The following MANBAL variants were observed in gnomAD, a reference collection of about 807,000 sequenced individuals.
MANBAL encodes the protein mannosidase beta like.
A neutral mutation model predicts 6.4 loss-of-function variants in MANBAL; 1 was observed. The observed-to-expected ratio is 0.16, with a 90% CI of 0.06 to 0.74. The LOEUF is 0.74. Among genes scored for constraint, MANBAL ranks in the 30% least tolerant of loss-of-function variants. The pLI, the probability that MANBAL is intolerant of heterozygous loss-of-function variation, is 0.78. For missense variants in MANBAL, 100 were observed against 107.8 expected (o/e 0.93, Z 0.32); for synonymous variants, 47 against 45.8 (o/e 1.03, Z -0.10).
intron 2 of MANBAL, among the ~76,000 whole-genome samples, chr20:37,304,703 A>G (rs1024723432): frequency 2.0e-5 from 3 of 152,152 alleles, no homozygotes; most frequent in Admixed American, 1.3e-4. Context: ...TGTGGAACCT[A>G]TTGATGCAGT....
chr20:37,297,937 G>T (rs549494207), intron 1 of MANBAL, among the ~76,000 whole-genome samples: 6 of 152,124 alleles, frequency 3.9e-5, no homozygotes, highest in Non-Finnish European at 7.3e-5. Context: ...GAGCCACTGC[G>T]CCCTGTGAGG....
intron 1 of MANBAL, among the ~76,000 whole-genome samples, chr20:37,296,602 T>G (rs1474573088): frequency 6.6e-6 from 1 of 152,222 alleles, no homozygotes; most frequent in East Asian, 1.9e-4. Context: ...ACGCCTGGGT[T>G]GCTTCCTGTT....
At chr20:37,313,969 G>C (rs1386037217) in intron 2 of MANBAL, among the ~76,000 whole-genome samples, 1 of 152,154 alleles carries the variant, frequency 6.6e-6, no homozygotes, top group Non-Finnish European at 1.5e-5. Context: ...CTGGAGAGGT[G>C]GCCTTTCTTA....
At chr20:37,303,773 G>A (rs1324710226) in intron 2 of MANBAL, among the ~76,000 whole-genome samples, 1 of 152,208 alleles carries the variant, frequency 6.6e-6, no homozygotes, top group Non-Finnish European at 1.5e-5. Context: ...ATCTAGCAGG[G>A]AAGTGAGTTA....
At chr20:37,291,379 T>G (rs1287691811) in intron 1 of MANBAL, among the ~76,000 whole-genome samples, 1 of 152,222 alleles carries the variant, frequency 6.6e-6, no homozygotes, top group Non-Finnish European at 1.5e-5. Flanking sequence ...ATGTCCTTTT[T>G]CTGTCCTGGT....
At chr20:37,309,104 A>G (rs1390854458) in intron 2 of MANBAL, among the ~76,000 whole-genome samples, 1 of 152,126 alleles carries the variant, frequency 6.6e-6, no homozygotes, top group African/African-American at 2.4e-5. Context: ...TGGGAATTTC[A>G]AAGGACAGCT....
chr20:37,315,471 C>A (rs188534425), intron 2 of MANBAL, among the ~76,000 whole-genome samples: 1 of 152,308 alleles, frequency 6.6e-6, no homozygotes, highest in African/African-American at 2.4e-5. Context: ...AAGCTGTGTC[C>A]CTTCCCTGGA....
At chr20:37,305,865 A>G (rs916704954) in intron 2 of MANBAL, among the ~76,000 whole-genome samples, 1 of 152,120 alleles carries the variant, frequency 6.6e-6, no homozygotes, top group African/African-American at 2.4e-5. Context: ...AACTAGATAG[A>G]AAGGAAACAC....
In MANBAL at chr20:37,304,735, A is replaced by C. The variant is rs142328559; in HGVS notation, c.150+3322A>C. 2.1e-3 allele frequency among the ~76,000 whole-genome samples: 314 copies of C among 152,292 alleles called. 1 individual carries two copies. Among genetic ancestry groups the C allele is most frequent in the Non-Finnish European group, 3.2e-3 (216 of 68,026 alleles). ...CAGTGGAGAACTATGGTGAAGGAAC[A>C]GGCTTAGGGTGGGTGCAGGGAAGGA... On this transcript the variant is annotated intron_variant, in intron 2 of 2. Transcript: ENST00000373606.
intron 2 of MANBAL, among the ~76,000 whole-genome samples, chr20:37,314,895 A>G (rs1238104404): frequency 6.6e-6 from 1 of 152,208 alleles, no homozygotes; most frequent in African/African-American, 2.4e-5. Context: ...CCACGGGCCA[A>G]TGGGGCAAGC....
chr20:37,302,305 A>G, intron 2 of MANBAL: 1 of 1,550,582 alleles, frequency 6.4e-7, no homozygotes, highest in Non-Finnish European at 8.7e-7. Flanking sequence ...GCCTGATTCC[A>G]TTCCAGTCAG....
Position 37,290,019 on chromosome 20 carries a change from C to T in MANBAL, c.-57+333C>T, listed in dbSNP as rs190882450. On this transcript the variant is annotated intron_variant, in intron 1 of 2. Coordinates refer to ENST00000373606, the MANE Select transcript of MANBAL (RefSeq NM_001003897.2). The stretch of plus-strand genomic sequence containing the variant: ...GAGAACCCTGAGCTCCAGAGTGAAT[C>T]TGGCCAGGGTTCGAATCCGTATGGC... Among the ~76,000 whole-genome samples the T allele has an allele frequency of 4.8e-3, 725 of 152,312 alleles. 2 individuals carry two copies. Among genetic ancestry groups the T allele is most frequent in the Non-Finnish European group, 7.3e-3 (498 of 68,036 alleles).
intron 1 of MANBAL, among the ~76,000 whole-genome samples, chr20:37,293,466 G>T (rs113279528): frequency 5.3e-4 from 80 of 152,252 alleles, no homozygotes; most frequent in African/African-American, 1.9e-3. Flanking sequence ...GAACTCAGAC[G>T]GTAATGTGAG....
At chr20:37,290,642 A>G (rs1258561202) in intron 1 of MANBAL, among the ~76,000 whole-genome samples, 1 of 152,100 alleles carries the variant, frequency 6.6e-6, no homozygotes. Flanking sequence ...TATCTTTAGT[A>G]AAGACAGGGT....
At chr20:37,301,557 G>A in intron 2 of MANBAL, 144 bp downstream of exon 2, 7 of 875,944 alleles carry the variant, frequency 8.0e-6, no homozygotes, top group East Asian at 2.7e-5. Flanking sequence ...CCACCTGGTG[G>A]GTTGAACCAC....
intron 2 of MANBAL, 50 bp downstream of exon 2, chr20:37,301,463 C>G (rs373753028): frequency 2.5e-6 from 4 of 1,598,086 alleles, no homozygotes; most frequent in Non-Finnish European, 3.4e-6. Flanking sequence ...AGGCTGGGTT[C>G]TGAGTACTAA....
chr20:37,293,465 C>G (rs577909466), intron 1 of MANBAL, among the ~76,000 whole-genome samples: 4 of 152,120 alleles, frequency 2.6e-5, no homozygotes, highest in Admixed American at 2.6e-4. Context: ...GGAACTCAGA[C>G]GGTAATGTGA....
rs186283616 is a variant in MANBAL at position 37,302,882 on chromosome 20, C to T, written c.150+1469C>T. ...TACTTCATTAGTCTTTGATAGCTTC[C>T]TTGCTTCATGGTTCAATAAGATGTC... On this transcript the variant is annotated intron_variant, in intron 2 of 2. Coordinates refer to ENST00000373606, the MANE Select transcript of MANBAL (RefSeq NM_001003897.2). Among the ~76,000 whole-genome samples, 16 of 151,968 alleles carry T rather than the reference C, an allele frequency of 1.1e-4. No individual in the cohort carries two copies. The East Asian group carries it at 3.1e-3, about 29-fold the overall frequency.
At chr20:37,300,621 C>T (rs536598675) in intron 1 of MANBAL, among the ~76,000 whole-genome samples, 8 of 152,252 alleles carry the variant, frequency 5.3e-5, no homozygotes, top group Non-Finnish European at 8.8e-5. Flanking sequence ...AAACCTGAAA[C>T]GTAGCAGCCT....
Sources: gnomAD v4.1 joint callset for allele counts (sites outside exome capture counted in the v4.1 genomes callset) on GRCh38, gnomAD v4.1.1 for gene constraint, MANE v1.5 for transcripts, NCBI Gene and HGNC (gene_info 2026-07-23, HGNC 2026-07-21) for gene names.